The following RAB11FIP5 variants were observed in gnomAD, a reference collection of about 807,000 sequenced individuals.
RAB11FIP5 encodes rab11 family-interacting protein 5.
In RAB11FIP5, 48 loss-of-function variants were observed where a neutral mutation model predicts 85.1. The ratio of observed to expected loss-of-function variants is 0.56; its 90% confidence interval spans 0.45 to 0.72. RAB11FIP5 has a LOEUF of 0.72. Among genes scored for constraint, RAB11FIP5 ranks in the 30% least tolerant of loss-of-function variants. The pLI is 0.00. For missense variants in RAB11FIP5, 1,491 were observed against 1,687.0 expected (o/e 0.88, Z 2.04); for synonymous variants, 729 against 727.3 (o/e 1.00, Z -0.04).
At chr2:73,102,979 C>A (rs893058111) in intron 1 of RAB11FIP5, among the ~76,000 whole-genome samples, 11 of 152,164 alleles carry the variant, frequency 7.2e-5, no homozygotes, top group African/African-American at 2.2e-4. Context: ...GTTGGAAAAC[C>A]CTTTTCCCTA....
chr2:73,075,337 T>G lies in RAB11FIP5; in HGVS notation c.*184A>C, dbSNP rs1168838338. On this transcript the variant is annotated 3_prime_UTR_variant, in exon 6 of 6. Coordinates refer to ENST00000486777, the MANE Select transcript of RAB11FIP5 (RefSeq NM_001371272.1). The surrounding 1 kb of genome is among the most constrained non-coding windows in gnomAD (Gnocchi z 4.6). ...AGACACACAAGTTGTGCACAGAACCTGATGCCTCCAAAGGGAATCCAGAGG... is the reference window on the plus strand; with the variant it reads ...AGACACACAAGTTGTGCACAGAACCGGATGCCTCCAAAGGGAATCCAGAGG... 2.8e-6 allele frequency: 2 copies of G among 721,486 alleles called. No homozygotes were observed. Among genetic ancestry groups the G allele is most frequent in the African/African-American group, 3.5e-5 (2 of 57,570 alleles). 44.7% of individuals were successfully genotyped at this position (721,486 alleles called of 1,614,324 possible).
chr2:73,077,594 C>T (rs1171326145), intron 4 of RAB11FIP5, among the ~76,000 whole-genome samples: 3 of 152,224 alleles, frequency 2.0e-5, no homozygotes, highest in Admixed American at 1.3e-4. Flanking sequence ...CCACTACTCC[C>T]AAAGCCACAT....
intron 1 of RAB11FIP5, among the ~76,000 whole-genome samples, chr2:73,095,988 C>A (rs1436048724): frequency 6.6e-6 from 1 of 152,212 alleles, no homozygotes; most frequent in East Asian, 1.9e-4. Context: ...CAGAAGCCAT[C>A]AGGGTCCAGA....
Position 73,112,781 on chromosome 2 carries a change from G to A in RAB11FIP5, c.-4C>T. ...CCGCGCCCCGCACCAGGGCCATGGC[G>A]GAGAAGCGGGGGGCGAGGTCTGGCC... On this transcript the variant is annotated 5_prime_UTR_variant, in exon 1 of 6. Coordinates refer to ENST00000486777, the MANE Select transcript of RAB11FIP5 (RefSeq NM_001371272.1). The A allele has an allele frequency of 7.0e-7, 1 of 1,424,214 alleles. No homozygotes were observed. The highest frequency in any genetic ancestry group is 9.1e-7 in the Non-Finnish European group (1 of 1,097,936). 88.2% of individuals were successfully genotyped at this position (1,424,214 alleles called of 1,614,324 possible). A position where few individuals can be genotyped will look rare whatever the true frequency, so the allele number is the denominator to read the frequency against.
At chr2:73,085,817 C>T (rs1021642152) in intron 3 of RAB11FIP5, among the ~76,000 whole-genome samples, 18 of 152,184 alleles carry the variant, frequency 1.2e-4, no homozygotes, top group Admixed American at 5.9e-4. Context: ...CACTAGAGGG[C>T]GCCGCTGTTC....
chr2:73,099,622 A>G (rs1684390448), intron 1 of RAB11FIP5, among the ~76,000 whole-genome samples: 1 of 152,236 alleles, frequency 6.6e-6, no homozygotes, highest in Non-Finnish European at 1.5e-5. Flanking sequence ...GTCACGCCAC[A>G]GTGCTCAGGC....
chr2:73,093,331 A>G (rs1684254719), intron 1 of RAB11FIP5, among the ~76,000 whole-genome samples: 1 of 152,110 alleles, frequency 6.6e-6, no homozygotes, highest in Admixed American at 6.5e-5. Context: ...GACCAGGCAT[A>G]CACACTCTGA....
chr2:73,075,754 G>A lies in RAB11FIP5; in HGVS notation c.3772-30C>T, dbSNP rs762319762. On this transcript the variant is annotated intron_variant, in intron 5 of 5. Transcript: ENST00000486777. This position sits in a 1 kb window ranked among gnomAD's most constrained non-coding sequence, Gnocchi z 4.6. ...GGCCGGACCGAAGACAGTGAGCAGG[G>A]CAGCCCTAGGCCTGCCTGCCTGCCT... is the stretch of plus-strand genomic sequence containing the variant. 4 of 1,559,368 alleles carry A rather than the reference G, an allele frequency of 2.6e-6. No individual in the cohort carries two copies. Among genetic ancestry groups the A allele is most frequent in the Non-Finnish European group, 3.5e-6 (4 of 1,151,104 alleles).
At position 73,078,366 on chromosome 2, in the gene RAB11FIP5, T is replaced by C. The variant is rs995391516; in HGVS notation, c.3581+1285A>G. ...GACATGAAGCCAACTCTGGGACGAA[T>C]AAAACTTATAAAAAGTGGCAAGTAT... On this transcript the variant is annotated intron_variant, in intron 4 of 5. Coordinates refer to ENST00000486777, the MANE Select transcript of RAB11FIP5 (RefSeq NM_001371272.1). The surrounding 1 kb of genome is among the most constrained non-coding windows in gnomAD (Gnocchi z 4.4). 2.0e-5 allele frequency among the ~76,000 whole-genome samples: 3 copies of C among 152,182 alleles called. No individual in the cohort carries two copies. Among genetic ancestry groups the C allele is most frequent in the Non-Finnish European group, 4.4e-5 (3 of 68,038 alleles).
intron 1 of RAB11FIP5, among the ~76,000 whole-genome samples, chr2:73,100,836 G>A (rs1306705145): frequency 2.6e-5 from 4 of 151,306 alleles, no homozygotes; most frequent in Admixed American, 6.6e-5. Flanking sequence ...ACGGAGTCTC[G>A]TTCTGTTGCC....
chr2:73,109,283 C>G (rs1003443542), intron 1 of RAB11FIP5, among the ~76,000 whole-genome samples: 1 of 152,162 alleles, frequency 6.6e-6, no homozygotes, highest in Non-Finnish European at 1.5e-5. Flanking sequence ...TCACACAAGA[C>G]CTTCGGAGGC....
intron 3 of RAB11FIP5, among the ~76,000 whole-genome samples, chr2:73,085,545 G>A (rs560608175): frequency 6.6e-6 from 1 of 152,280 alleles, no homozygotes; most frequent in South Asian, 2.1e-4. Flanking sequence ...TAACAGGGCA[G>A]GGGAATGAGG....
At chr2:73,090,584 A>G (rs1684189948) in intron 1 of RAB11FIP5, among the ~76,000 whole-genome samples, 1 of 152,244 alleles carries the variant, frequency 6.6e-6, no homozygotes, top group South Asian at 2.1e-4. Flanking sequence ...TAAATAGGCT[A>G]TCAAGCCATG....
In RAB11FIP5 at chr2:73,081,392, C is replaced by T; in HGVS notation, c.1840G>A (p.Ala614Thr). Residue 614 changes from alanine (A) to threonine (T), a missense_variant, in exon 4 of 6, where the codon GCC (alanine) becomes ACC (threonine). Ala to Thr is a moderately conservative substitution (Grantham distance 58). Transcript: ENST00000486777. This position sits in a 1 kb window ranked among gnomAD's most constrained non-coding sequence, Gnocchi z 4.2. ...GAAGGAGAGTTTAGTGCTATGTCGG[C>T]TATGAGCTCCTCGAAGAAGGGGTTG... The part of the protein sequence containing the change: ...QSNPFFEELI[A>T]DIALNSPSPA... The T allele has an allele frequency of 1.6e-6, 2 of 1,232,572 alleles. No individual in the cohort carries two copies. The highest frequency in any genetic ancestry group is 1.0e-6 in the Non-Finnish European group (1 of 988,242). The allele number at this position is 1,232,572 out of a possible 1,614,324, so 76.4% of individuals were successfully genotyped here.
Position 73,112,541 on chromosome 2 carries a change from C to A in RAB11FIP5, c.237G>T (p.Pro79=). The A allele has an allele frequency of 1.9e-6, 3 of 1,538,652 alleles. No individual in the cohort carries two copies. The highest frequency in any genetic ancestry group is 2.6e-6 in the Non-Finnish European group (3 of 1,144,532). The change falls in exon 1 of 6, where the codon CCG becomes CCT. Residue 79 remains proline (P), a synonymous_variant. Coordinates refer to ENST00000486777, the MANE Select transcript of RAB11FIP5 (RefSeq NM_001371272.1). ...WREECSFELP[P]GALDGLLRAQ... is the part of the protein sequence containing the mutation. ...CCCGCAGCAGGCCATCCAGGGCCCC[C>A]GGCGGCAGCTCGAAGGAGCACTCCT... is the stretch of plus-strand genomic sequence containing the variant.
At chr2:73,076,542 T>C (rs1345177423) in intron 4 of RAB11FIP5, among the ~76,000 whole-genome samples, 1 of 152,118 alleles carries the variant, frequency 6.6e-6, no homozygotes. Context: ...TTCTCTTCTA[T>C]ACTGTAACCT....
At position 73,075,952 on chromosome 2, in the gene RAB11FIP5, C is replaced by T. The variant is rs1683850616; in HGVS notation, c.3771+41G>A. 2 of 1,583,768 alleles carry T rather than the reference C, an allele frequency of 1.3e-6. No individual in the cohort carries two copies. Among genetic ancestry groups the T allele is most frequent in the East Asian group, 4.5e-5 (2 of 44,416 alleles). On this transcript the variant is annotated intron_variant, in intron 5 of 5. Coordinates refer to ENST00000486777, the MANE Select transcript of RAB11FIP5 (RefSeq NM_001371272.1). The surrounding 1 kb of genome is among the most constrained non-coding windows in gnomAD (Gnocchi z 4.6). ...AGGACCAAGCCCTGAGACTCCACCACACATTCTGTCAGATGGCCCCCACAC... is the reference window on the plus strand; with the variant it reads ...AGGACCAAGCCCTGAGACTCCACCATACATTCTGTCAGATGGCCCCCACAC...
intron 4 of RAB11FIP5, among the ~76,000 whole-genome samples, chr2:73,077,493 T>C (rs1176263631): frequency 6.6e-6 from 1 of 152,232 alleles, no homozygotes; most frequent in East Asian, 1.9e-4. Flanking sequence ...GATCTCAGCA[T>C]TCTCAAAGCT....
rs1684093440 is a variant in RAB11FIP5, at chr2:73,086,618, T to G, written c.1568+1432A>C. 6.6e-6 allele frequency among the ~76,000 whole-genome samples: 1 copy of G among 152,186 alleles called. No homozygotes were observed. Among genetic ancestry groups the G allele is most frequent in the Non-Finnish European group, 1.5e-5 (1 of 68,026 alleles). On this transcript the variant is annotated intron_variant, in intron 3 of 5. Coordinates refer to ENST00000486777, the MANE Select transcript of RAB11FIP5 (RefSeq NM_001371272.1). The surrounding 1 kb of genome is among the most constrained non-coding windows in gnomAD (Gnocchi z 4.4). ...CCTCAGCTCCTCCCAGCAAATGCCC[T>G]GTCCAGATCTCCTGCTACCTCCCTC...
Sources: gnomAD v4.1 joint callset for allele counts (sites outside exome capture counted in the v4.1 genomes callset) on GRCh38, gnomAD v4.1.1 for gene constraint, Gnocchi (gnomAD v3.1) non-coding constraint, MANE v1.5 for transcripts, NCBI Gene and HGNC (gene_info 2026-07-23, HGNC 2026-07-21) for gene names.